AHCYL2: variants seen among roughly 807,000 people sequenced by gnomAD.
The protein encoded by AHCYL2 is S-adenosylhomocysteine hydrolase-like protein 2.
A neutral mutation model predicts 81.4 loss-of-function variants in AHCYL2; 28 were observed. The ratio of observed to expected loss-of-function variants is 0.34; its 90% confidence interval spans 0.25 to 0.47. AHCYL2 has a LOEUF of 0.47. Among genes scored for constraint, AHCYL2 ranks in the 20% least tolerant of loss-of-function variants. AHCYL2 has a pLI of 1.00. For synonymous variants in AHCYL2, 272 were observed against 290.2 expected (o/e 0.94, Z 0.64); for missense variants, 551 against 785.1 (o/e 0.70, Z 3.56).
At chr7:129,402,603 T>C (rs897468646) in intron 6 of AHCYL2, among the ~76,000 whole-genome samples, 1 of 152,220 alleles carries the variant, frequency 6.6e-6, no homozygotes, top group African/African-American at 2.4e-5. Context: ...CTGGTTTTTC[T>C]TTAGTTTTAT....
intron 1 of AHCYL2, among the ~76,000 whole-genome samples, chr7:129,225,654 T>C (rs1794185665): frequency 6.6e-6 from 1 of 152,116 alleles, no homozygotes; most frequent in South Asian, 2.1e-4. Context: ...TACTTCGCTC[T>C]GAATAACATG....
chr7:129,346,547 G>C (rs62480625), intron 1 of AHCYL2, among the ~76,000 whole-genome samples: 3,834 of 152,240 alleles, frequency 0.025, 72 homozygotes, highest in Non-Finnish European at 0.038. Context: ...AACATCATAT[G>C]TCATTAGGGA....
rs1038369864 is a variant in AHCYL2 at position 129,425,238 on chromosome 7, A to G, written c.1708+97A>G. 1.2e-4 allele frequency: 118 copies of G among 1,007,938 alleles called. No individual in the cohort carries two copies. In the Middle Eastern group the frequency reaches 1.9e-3, roughly 16 times the overall value. 62.4% of individuals were successfully genotyped at this position (1,007,938 alleles called of 1,614,324 possible). Reference sequence around the variant, plus strand: ...GCATTAACTTACTTAAGGATGGGGGAAAAAAGGTACCTTCATCTTGTAAAG... The same window carrying G: ...GCATTAACTTACTTAAGGATGGGGGGAAAAAGGTACCTTCATCTTGTAAAG... On this transcript the variant is annotated intron_variant, in intron 15 of 16. Coordinates refer to ENST00000325006, the MANE Select transcript of AHCYL2 (RefSeq NM_015328.4).
intron 1 of AHCYL2, among the ~76,000 whole-genome samples, chr7:129,330,848 T>C (rs994323356): frequency 6.6e-6 from 1 of 152,230 alleles, no homozygotes; most frequent in Non-Finnish European, 1.5e-5. Flanking sequence ...AAAATTATGT[T>C]ATGAACATGT....
At chr7:129,390,462 T>G (rs1262720131) in intron 4 of AHCYL2, among the ~76,000 whole-genome samples, 1 of 152,112 alleles carries the variant, frequency 6.6e-6, no homozygotes, top group Non-Finnish European at 1.5e-5. Flanking sequence ...TGAACAACAG[T>G]AACTCAAAAT....
At chr7:129,249,405 TATGTATTAAAC>T (rs1489070182) in intron 1 of AHCYL2, among the ~76,000 whole-genome samples, 3 of 152,178 alleles carry the variant, frequency 2.0e-5, no homozygotes, top group Non-Finnish European at 4.4e-5. Context: ...TAACAAAAAC[TATGTATTAAAC>T]ATTATCTTCT....
intron 12 of AHCYL2, among the ~76,000 whole-genome samples, chr7:129,418,412 G>T (rs894487889): frequency 2.0e-5 from 3 of 152,044 alleles, no homozygotes; most frequent in African/African-American, 7.2e-5. Flanking sequence ...CAATTCTCTT[G>T]CCTCAGCCTC....
At chr7:129,380,046 C>T (rs1296371450) in intron 2 of AHCYL2, among the ~76,000 whole-genome samples, 1 of 151,032 alleles carries the variant, frequency 6.6e-6, no homozygotes, top group Non-Finnish European at 1.5e-5. Flanking sequence ...CTTTCCGGAA[C>T]AGTATGTGTA....
chr7:129,230,573 CTT>C (rs536458674), intron 1 of AHCYL2, among the ~76,000 whole-genome samples: 30 of 134,946 alleles, frequency 2.2e-4, no homozygotes, highest in Admixed American at 2.2e-4. Flanking sequence ...CCTTCTAAAT[CTT>C]TTTTTTTTTT....
chr7:129,401,401 T>C (rs1257670789), intron 6 of AHCYL2, among the ~76,000 whole-genome samples: 2 of 148,522 alleles, frequency 1.3e-5, no homozygotes, highest in Admixed American at 6.7e-5. Context: ...AATTCTGCCC[T>C]CTCCCCTAGG....
chr7:129,275,766 T>A (rs1272372281), intron 1 of AHCYL2, among the ~76,000 whole-genome samples: 1 of 152,132 alleles, frequency 6.6e-6, no homozygotes, highest in Non-Finnish European at 1.5e-5. Flanking sequence ...GATACAAATA[T>A]GAATAAATTT....
intron 1 of AHCYL2, among the ~76,000 whole-genome samples, chr7:129,287,628 G>A (rs1796683146): frequency 6.6e-6 from 1 of 152,182 alleles, no homozygotes; most frequent in Non-Finnish European, 1.5e-5. Flanking sequence ...GATTAAAAAT[G>A]ACCTTTAAAG....
rs140653047 is a variant in AHCYL2, at chr7:129,344,519, C to T, written c.364-35119C>T. ...TTATGATTCCATATGATTTGTATGA[C>T]GTTCCATAAAAGGCAAATCTATCTA... On this transcript the variant is annotated intron_variant, in intron 1 of 16. Coordinates refer to ENST00000325006, the MANE Select transcript of AHCYL2 (RefSeq NM_015328.4). Among the ~76,000 whole-genome samples, 457 of 152,232 alleles carry T rather than the reference C, an allele frequency of 3.0e-3. 3 individuals carry two copies. The highest frequency in any genetic ancestry group is 0.01 in the African/African-American group (435 of 41,538).
At chr7:129,317,099 T>C (rs1337888005) in intron 1 of AHCYL2, among the ~76,000 whole-genome samples, 1 of 152,232 alleles carries the variant, frequency 6.6e-6, no homozygotes, top group Non-Finnish European at 1.5e-5. Flanking sequence ...TTCTGTTTCC[T>C]GAGGCAAAGG....
intron 1 of AHCYL2, among the ~76,000 whole-genome samples, chr7:129,269,516 T>G (rs1487479939): frequency 6.6e-6 from 1 of 152,170 alleles, no homozygotes; most frequent in East Asian, 1.9e-4. Context: ...CTTGAACTCC[T>G]GAGCTCGTGA....
At chr7:129,290,801 G>T (rs902688189) in intron 1 of AHCYL2, among the ~76,000 whole-genome samples, 1 of 151,332 alleles carries the variant, frequency 6.6e-6, no homozygotes, top group East Asian at 2.0e-4. Context: ...GCAGTGGCGG[G>T]CGCCTGTAAT....
chr7:129,247,629 C>T (rs941807747), intron 1 of AHCYL2, among the ~76,000 whole-genome samples: 8 of 152,026 alleles, frequency 5.3e-5, no homozygotes, highest in Admixed American at 3.3e-4. Context: ...AAGACAAGGC[C>T]TCATTCTGTC....
intron 1 of AHCYL2, among the ~76,000 whole-genome samples, chr7:129,353,051 T>G (rs1288873630): frequency 2.7e-5 from 4 of 150,206 alleles, no homozygotes; most frequent in Non-Finnish European, 5.9e-5. Flanking sequence ...GTTCAAGCGA[T>G]TCTCCTGCCT....
intron 5 of AHCYL2, among the ~76,000 whole-genome samples, chr7:129,399,141 C>CAA (rs71162600): frequency 0.15 from 6,823 of 44,724 alleles, 545 homozygotes; most frequent in Non-Finnish European, 0.17. Flanking sequence ...GACTCCATCT[C>CAA]AAAAAAAAAA....
Sources: allele counts gnomAD v4.1 joint callset (sites outside exome capture counted in the v4.1 genomes callset), GRCh38; gene constraint gnomAD v4.1.1; transcripts MANE v1.5; gene names NCBI Gene and HGNC (gene_info 2026-07-23, HGNC 2026-07-21).